Variants in SCLT1 observed in about 807,000 individuals in gnomAD.
SCLT1 encodes sodium channel-associated protein 1.
Under a neutral mutation model 112.8 loss-of-function variants are expected in SCLT1, and 78 were observed. The ratio of observed to expected loss-of-function variants is 0.69; its 90% CI spans 0.58 to 0.83. SCLT1 has a LOEUF of 0.83. Among genes scored for constraint, SCLT1 ranks in the 40% least tolerant of loss-of-function variants. The probability of loss-of-function intolerance (pLI) is 0.00; values close to 1 mark genes in which losing one functional copy is unlikely to be tolerated. For synonymous variants in SCLT1, 257 were observed against 254.7 expected (o/e 1.01, Z -0.09); for missense variants, 747 against 770.4 (o/e 0.97, Z 0.36).
intron 18 of SCLT1, among the ~76,000 whole-genome samples, chr4:128,922,738 G>A (rs1050684595): frequency 1.3e-5 from 2 of 151,822 alleles, no homozygotes; most frequent in African/African-American, 4.8e-5. Context: ...CCAAACCCTT[G>A]TGACATGCAA....
chr4:129,078,947 T>C (rs1751697639), intron 2 of SCLT1, among the ~76,000 whole-genome samples: 1 of 152,040 alleles, frequency 6.6e-6, no homozygotes. Context: ...AGAAGGCACA[T>C]CTTACATGAC....
chr4:129,009,355 T>TA (rs201202462), intron 5 of SCLT1, among the ~76,000 whole-genome samples: 6 of 150,792 alleles, frequency 4.0e-5, no homozygotes, highest in African/African-American at 7.3e-5. Context: ...ACTAAATAAA[T>TA]AAAAAAAAAT....
At chr4:128,895,152 G>A (rs1733639452) in intron 18 of SCLT1, among the ~76,000 whole-genome samples, 1 of 152,158 alleles carries the variant, frequency 6.6e-6, no homozygotes, top group African/African-American at 2.4e-5. Flanking sequence ...AATATCAGGT[G>A]AAACAATATA....
chr4:128,947,841 A>G (rs972328491), intron 15 of SCLT1, among the ~76,000 whole-genome samples: 5 of 152,236 alleles, frequency 3.3e-5, no homozygotes, highest in Admixed American at 2.0e-4. Flanking sequence ...TAGCAATGCT[A>G]TAATTTTCTG....
At chr4:129,002,038 T>C (rs1489305389) in intron 6 of SCLT1, among the ~76,000 whole-genome samples, 1 of 152,064 alleles carries the variant, frequency 6.6e-6, no homozygotes, top group East Asian at 1.9e-4. Context: ...ACATGTTCCT[T>C]ATCAAGCTAA....
At chr4:128,997,602 T>C (rs1743119382) in intron 8 of SCLT1, among the ~76,000 whole-genome samples, 1 of 151,836 alleles carries the variant, frequency 6.6e-6, no homozygotes, top group Non-Finnish European at 1.5e-5. Context: ...GCATGTACTC[T>C]ACTCTTGAGG....
intron 1 of SCLT1, among the ~76,000 whole-genome samples, chr4:129,089,764 C>A (rs896787112): frequency 2.6e-5 from 4 of 152,080 alleles, no homozygotes; most frequent in African/African-American, 7.2e-5. Context: ...ATCACAAGAA[C>A]AGAACACCAA....
chr4:128,934,923 A>C (rs1247155800), intron 18 of SCLT1, among the ~76,000 whole-genome samples: 1 of 151,974 alleles, frequency 6.6e-6, no homozygotes. Context: ...ATTTTTTGCC[A>C]TTAAGAACAA....
At chr4:129,084,922 G>C (rs1185231372) in intron 1 of SCLT1, among the ~76,000 whole-genome samples, 1 of 152,110 alleles carries the variant, frequency 6.6e-6, no homozygotes, top group Non-Finnish European at 1.5e-5. Flanking sequence ...AAAAACCCCG[G>C]AAGACAACCT....
intron 17 of SCLT1, among the ~76,000 whole-genome samples, chr4:128,940,088 C>CA (rs1460694424): frequency 2.0e-5 from 3 of 151,814 alleles, no homozygotes; most frequent in African/African-American, 7.3e-5. Context: ...TCCATAACAT[C>CA]AGTTACTATC....
intron 3 of SCLT1, among the ~76,000 whole-genome samples, chr4:128,876,854 T>C (rs1407026740): frequency 1.3e-5 from 2 of 152,240 alleles, no homozygotes; most frequent in Non-Finnish European, 2.9e-5. Context: ...CCTCCTAGAC[T>C]GAAACCTGGG....
At chr4:128,878,485 A>G (rs73850018) in intron 3 of SCLT1, among the ~76,000 whole-genome samples, 1,676 of 152,160 alleles carry the variant, frequency 0.011, 21 homozygotes, top group African/African-American at 0.037. Flanking sequence ...CCTTTTTCCC[A>G]CCAACTTTGG....
At chr4:129,028,704 G>A (rs996325163) in intron 5 of SCLT1, among the ~76,000 whole-genome samples, 1 of 152,064 alleles carries the variant, frequency 6.6e-6, no homozygotes, top group African/African-American at 2.4e-5. Context: ...AAGAGCTTCT[G>A]CACAGCAAAA....
chr4:129,022,399 C>T (rs1487632257), intron 5 of SCLT1, among the ~76,000 whole-genome samples: 1 of 152,070 alleles, frequency 6.6e-6, no homozygotes, highest in South Asian at 2.1e-4. Context: ...GGAACCTTGA[C>T]AAAAGTTTAC....
At chr4:129,031,938 A>G (rs955138898) in intron 5 of SCLT1, among the ~76,000 whole-genome samples, 1 of 152,194 alleles carries the variant, frequency 6.6e-6, no homozygotes, top group African/African-American at 2.4e-5. Context: ...TCTTCACAGA[A>G]TTAGAAAAAA....
chr4:129,083,079 T>C (rs900852306), intron 1 of SCLT1, among the ~76,000 whole-genome samples: 2 of 150,022 alleles, frequency 1.3e-5, no homozygotes, highest in African/African-American at 4.9e-5. Flanking sequence ...TAATCCCAGC[T>C]ATTTGAGAGG....
chr4:129,060,819 G>T (rs1354839643), intron 2 of SCLT1, among the ~76,000 whole-genome samples: 1 of 152,168 alleles, frequency 6.6e-6, no homozygotes, highest in Non-Finnish European at 1.5e-5. Flanking sequence ...CAGGGTCTTG[G>T]AATGGCTGTG....
intron 2 of SCLT1, among the ~76,000 whole-genome samples, chr4:129,044,289 G>A (rs1747976150): frequency 6.6e-6 from 1 of 151,860 alleles, no homozygotes; most frequent in South Asian, 2.1e-4. Flanking sequence ...TTCTTAATTT[G>A]ATAAAAATAT....
intron 2 of SCLT1, among the ~76,000 whole-genome samples, chr4:129,072,526 T>C (rs1751107707): frequency 6.6e-6 from 1 of 152,108 alleles, no homozygotes; most frequent in Admixed American, 6.6e-5. Context: ...CTTTGTTGGA[T>C]TGGGTTAATT....
Sources: allele counts gnomAD v4.1 joint callset (sites outside exome capture counted in the v4.1 genomes callset), GRCh38; gene constraint gnomAD v4.1.1; transcripts MANE v1.5; gene names NCBI Gene and HGNC (gene_info 2026-07-23, HGNC 2026-07-21).